The following TEC variants were observed in gnomAD, a reference collection of about 807,000 sequenced individuals.
TEC encodes tec protein tyrosine kinase.
A neutral mutation model predicts 93.0 loss-of-function variants in TEC; 72 were observed. The ratio of observed to expected loss-of-function variants is 0.77; its 90% confidence interval spans 0.64 to 0.94. The LOEUF (loss-of-function observed/expected upper bound fraction) is 0.94. Among genes scored for constraint, TEC ranks in the 40% least tolerant of loss-of-function variants. TEC has a pLI of 0.00. For synonymous variants in TEC, 249 were observed against 247.7 expected, an observed-to-expected ratio of 1.01 and a Z score of -0.05; for missense variants, 630 against 757.9, an observed-to-expected ratio of 0.83 and a Z score of 1.98.
At chr4:48,215,223 T>A in intron 2 of TEC, among the ~76,000 whole-genome samples, 1 of 152,218 alleles carries the variant, frequency 6.6e-6, no homozygotes, top group Non-Finnish European at 1.5e-5. Context: ...TAAAAAGGCC[T>A]GTGCCGGGCG....
Position 48,164,952 on chromosome 4 carries a change from G to A in TEC, c.672-1185C>T, listed in dbSNP as rs146600083. Among the ~76,000 whole-genome samples the A allele has an allele frequency of 1.9e-3, 295 of 152,108 alleles. 1 individual carries two copies. The highest frequency in any genetic ancestry group is 5.5e-3 in the African/African-American group (229 of 41,484). On this transcript the variant is annotated intron_variant, in intron 7 of 17. Coordinates refer to ENST00000381501, the MANE Select transcript of TEC (RefSeq NM_003215.3). ...TAGGAGGCGGAGGTTGAAATGAGCC[G>A]AGATCACGCCACTGCACTCCAGCAC...
At chr4:48,254,151 G>A (rs369175469) in intron 1 of TEC, among the ~76,000 whole-genome samples, 8 of 152,180 alleles carry the variant, frequency 5.3e-5, no homozygotes, top group South Asian at 2.1e-4. Context: ...CACAACTAAC[G>A]CAAACATAAA....
At chr4:48,148,580 C>T (rs1436019233) in intron 11 of TEC, among the ~76,000 whole-genome samples, 1 of 152,200 alleles carries the variant, frequency 6.6e-6, no homozygotes, top group Non-Finnish European at 1.5e-5. Flanking sequence ...TAGCATAGGA[C>T]TGAATCCTGG....
intron 2 of TEC, among the ~76,000 whole-genome samples, chr4:48,214,245 A>G (rs1723001090): frequency 9.1e-6 from 1 of 109,732 alleles, no homozygotes; most frequent in Admixed American, 8.4e-5. Context: ...TATACATTTA[A>G]CAGGAAATTA....
At chr4:48,199,677 C>T (rs1196318766) in intron 2 of TEC, among the ~76,000 whole-genome samples, 3 of 151,918 alleles carry the variant, frequency 2.0e-5, no homozygotes, top group African/African-American at 7.3e-5. Flanking sequence ...CCACACTGGC[C>T]AGGGTGGTCT....
At chr4:48,204,120 G>T (rs1722625100) in intron 2 of TEC, among the ~76,000 whole-genome samples, 1 of 152,212 alleles carries the variant, frequency 6.6e-6, no homozygotes, top group Non-Finnish European at 1.5e-5. Context: ...TGCCTTTCTA[G>T]ATTGGCCCTT....
chr4:48,146,517 TG>T (rs1288824170), intron 11 of TEC, 118 bp from the exon 12 acceptor site: 32 of 863,256 alleles, frequency 3.7e-5, no homozygotes, highest in Non-Finnish European at 4.9e-5. Context: ...TCATCCTCTG[TG>T]TGTACATACA....
intron 3 of TEC, among the ~76,000 whole-genome samples, chr4:48,175,781 ATAT>A (rs1721302172): frequency 6.6e-6 from 1 of 152,188 alleles, no homozygotes; most frequent in Admixed American, 6.6e-5. Context: ...TATATGTCTA[ATAT>A]TATTTTTTTC....
chr4:48,224,750 T>C (rs916138618), intron 2 of TEC, among the ~76,000 whole-genome samples: 4 of 152,214 alleles, frequency 2.6e-5, no homozygotes, highest in Admixed American at 1.3e-4. Context: ...TTTCTCGTTA[T>C]CTAGAATAGG....
chr4:48,214,582 T>C (rs939538802), intron 2 of TEC, among the ~76,000 whole-genome samples: 1 of 152,234 alleles, frequency 6.6e-6, no homozygotes, highest in African/African-American at 2.4e-5. Flanking sequence ...CTGGGTGTGG[T>C]GGCTGACACC....
At chr4:48,244,942 G>C (rs542366245) in intron 1 of TEC, among the ~76,000 whole-genome samples, 33 of 152,212 alleles carry the variant, frequency 2.2e-4, no homozygotes, top group Non-Finnish European at 4.4e-4. Context: ...CAAACAGGCA[G>C]AGTTGAGAGA....
intron 1 of TEC, among the ~76,000 whole-genome samples, chr4:48,230,075 C>CAATAATAATAATAAT (rs71654901): frequency 1.4e-5 from 2 of 146,948 alleles, no homozygotes; most frequent in African/African-American, 5.0e-5. Context: ...AACTCCGTCT[C>CAATAATAATAATAAT]AATAATAATA....
At position 48,221,042 on chromosome 4, in the gene TEC, T is replaced by A. The variant is rs80326534; in HGVS notation, c.138+7435A>T. ...GGGTTCAAGAATTTGCTGGAACAGC[T>A]CACAGAACCCAGGGAAAGTGTACTT... On this transcript the variant is annotated intron_variant, in intron 2 of 17. Transcript: ENST00000381501. Among the ~76,000 whole-genome samples the A allele has an allele frequency of 1.8e-3, 275 of 152,332 alleles. 2 individuals carry two copies. Among genetic ancestry groups the A allele is most frequent in the African/African-American group, 6.3e-3 (263 of 41,564 alleles).
chr4:48,188,484 T>C (rs968824053), intron 2 of TEC, among the ~76,000 whole-genome samples: 2 of 152,170 alleles, frequency 1.3e-5, no homozygotes, highest in African/African-American at 2.4e-5. Context: ...ATTTTTTCCA[T>C]GCTCACTGCC....
In TEC at chr4:48,142,491, TAA is replaced by T. The variant is rs1323599308; in HGVS notation, c.1471-1074_1471-1073del. Reference sequence around the variant, plus strand: ...CCGTCTCAAAAAGAACAGCTATGTGTAAATACAGTTTGCTTTTTCATTTATGT... The same window carrying T: ...CCGTCTCAAAAAGAACAGCTATGTGTATACAGTTTGCTTTTTCATTTATGT... On this transcript the variant is annotated intron_variant, in intron 14 of 17. Coordinates refer to ENST00000381501, the MANE Select transcript of TEC (RefSeq NM_003215.3). Among the ~76,000 whole-genome samples, 5 of 152,204 alleles carry T rather than the reference TAA, an allele frequency of 3.3e-5. No homozygotes were observed. In the East Asian group the frequency reaches 7.7e-4, roughly 24 times the overall value.
At chr4:48,152,688 G>C (rs1056406408) in intron 9 of TEC, among the ~76,000 whole-genome samples, 1 of 152,048 alleles carries the variant, frequency 6.6e-6, no homozygotes, top group Non-Finnish European at 1.5e-5. Context: ...CCAGGATTTG[G>C]TCCCCAGGCT....
At chr4:48,156,518 C>T (rs556246556) in intron 9 of TEC, among the ~76,000 whole-genome samples, 162 bp downstream of exon 9, 1 of 152,302 alleles carries the variant, frequency 6.6e-6, no homozygotes, top group Admixed American at 6.5e-5. Context: ...ATTTGTCAGC[C>T]TCTTTCTTCA....
chr4:48,264,881 C>T (rs1245719590), intron 1 of TEC, among the ~76,000 whole-genome samples: 5 of 152,034 alleles, frequency 3.3e-5, no homozygotes, highest in African/African-American at 7.2e-5. Context: ...TCAAGTGTTC[C>T]GCCCACTTTG....
intron 1 of TEC, among the ~76,000 whole-genome samples, chr4:48,263,110 T>C (rs1271814823): frequency 2.6e-5 from 4 of 152,100 alleles, no homozygotes; most frequent in Non-Finnish European, 5.9e-5. Flanking sequence ...GTTGGGAAAG[T>C]CGTGATCATC....
Sources: allele counts gnomAD v4.1 joint callset (sites outside exome capture counted in the v4.1 genomes callset), GRCh38; gene constraint gnomAD v4.1.1; transcripts MANE v1.5; gene names NCBI Gene and HGNC (gene_info 2026-07-23, HGNC 2026-07-21).